NTM: variants seen among roughly 807,000 people sequenced by gnomAD.
NTM encodes neurotrimin, also known as IgLON family member 2.
A neutral mutation model predicts 42.1 loss-of-function variants in NTM; 13 were observed. That is an observed-to-expected ratio of 0.31 (90% CI 0.20 to 0.49). The LOEUF (loss-of-function observed/expected upper bound fraction) is 0.49, where lower values mean the gene tolerates loss of function less well. Ranked by LOEUF, NTM falls within the 20% of genes least tolerant of loss-of-function variation. The probability of loss-of-function intolerance (pLI) is 0.99; values close to 1 mark genes in which losing one functional copy is unlikely to be tolerated. For synonymous variants in NTM, 187 were observed against 179.2 expected, an observed-to-expected ratio of 1.04 and a Z score of -0.35; for missense variants, 373 against 452.8, an observed-to-expected ratio of 0.82 and a Z score of 1.60.
At chr11:131,789,406 CAGTTAAAAGAAAAAAAGAAGA>C (rs2089824081) in intron 1 of NTM, among the ~76,000 whole-genome samples, 1 of 92,858 alleles carries the variant, frequency 1.1e-5, no homozygotes, top group African/African-American at 4.0e-5. Context: ...AGTATTGCTG[CAGTTAAAAGAAAAAAAGAAGA>C]AGGAAGAAGA....
chr11:131,639,298 C>T (rs900186677), intron 1 of NTM, among the ~76,000 whole-genome samples: 4 of 152,262 alleles, frequency 2.6e-5, no homozygotes, highest in East Asian at 1.9e-4. Flanking sequence ...GTTTTTCTTT[C>T]GGTTTGGGGA....
At chr11:131,531,715 A>T (rs190502694) in intron 1 of NTM, among the ~76,000 whole-genome samples, 1 of 152,340 alleles carries the variant, frequency 6.6e-6, no homozygotes, top group Non-Finnish European at 1.5e-5. Context: ...CTGGGGATAC[A>T]AAGTGAGTAA....
intron 1 of NTM, among the ~76,000 whole-genome samples, chr11:131,822,492 G>T (rs2093231672): frequency 6.6e-6 from 1 of 152,058 alleles, no homozygotes; most frequent in Non-Finnish European, 1.5e-5. Flanking sequence ...TACTATTAAC[G>T]CTCAAATCAG....
rs1491488500 is a variant in NTM, at chr11:131,789,470, AAG to A, written c.83-122092_83-122091del. 2.5e-3 allele frequency among the ~76,000 whole-genome samples: 35 copies of A among 13,984 alleles called. 5 individuals are homozygous for A. The highest frequency in any genetic ancestry group is 0.012 in the South Asian group (4 of 322). 9.2% of individuals were successfully genotyped at this position (13,984 alleles called of 152,430 possible). On this transcript the variant is annotated intron_variant, in intron 1 of 8. Coordinates refer to ENST00000683400, the MANE Select transcript of NTM (RefSeq NM_001352005.2). The stretch of plus-strand genomic sequence containing the variant: ...GAAGAAGAAGAAGAAGAAGAAGAAG[AAG>A]AAGAAGAAGAAGAAGAAGAGGAAAG...
intron 8 of NTM, among the ~76,000 whole-genome samples, chr11:132,331,168 G>A (rs1262616815): frequency 3.3e-5 from 5 of 152,340 alleles, no homozygotes; most frequent in Non-Finnish European, 5.9e-5. Flanking sequence ...GAAGATAGTT[G>A]CATTTGAAGA....
intron 1 of NTM, among the ~76,000 whole-genome samples, chr11:131,568,106 C>A (rs964917721): frequency 2.6e-5 from 4 of 152,208 alleles, no homozygotes; most frequent in Admixed American, 2.6e-4. Context: ...GGAAAATTCT[C>A]TCTGTTTCAG....
At chr11:132,298,565 G>A (rs765219227) in intron 4 of NTM, among the ~76,000 whole-genome samples, 1 of 152,178 alleles carries the variant, frequency 6.6e-6, no homozygotes, top group South Asian at 2.1e-4. Flanking sequence ...GAAAACCCAC[G>A]TCATGTTGTT....
At chr11:131,981,417 A>T (rs970519122) in intron 2 of NTM, 1 of 152,176 alleles carries the variant, frequency 6.6e-6, no homozygotes, top group Non-Finnish European at 1.5e-5. Flanking sequence ...TCCCTTTCCA[A>T]TCACGAGCTG....
chr11:131,856,298 C>T (rs903612283), intron 1 of NTM, among the ~76,000 whole-genome samples: 1 of 151,706 alleles, frequency 6.6e-6, no homozygotes, highest in Non-Finnish European at 1.5e-5. Context: ...TTTCTTAGAC[C>T]CCAGGAAAAT....
At chr11:131,657,308 C>T (rs2067331515) in intron 1 of NTM, among the ~76,000 whole-genome samples, 2 of 152,060 alleles carry the variant, frequency 1.3e-5, no homozygotes, top group South Asian at 4.2e-4. Flanking sequence ...TGGGAAAGGT[C>T]AGTGGGGAAT....
chr11:131,761,322 C>A (rs2084134964), intron 1 of NTM, among the ~76,000 whole-genome samples: 2 of 152,146 alleles, frequency 1.3e-5, no homozygotes, highest in Non-Finnish European at 2.9e-5. Context: ...CCACACCTAA[C>A]AAGAAGCTGA....
intron 1 of NTM, among the ~76,000 whole-genome samples, chr11:131,507,502 C>G (rs1379012115): frequency 6.6e-6 from 1 of 152,144 alleles, no homozygotes; most frequent in Non-Finnish European, 1.5e-5. Flanking sequence ...ATGCCGCCAG[C>G]TTTGTTCTTT....
chr11:132,062,502 T>A lies in NTM; in HGVS notation c.168-83780T>A, dbSNP rs983222896. On this transcript the variant is annotated intron_variant, in intron 2 of 8. Transcript: ENST00000683400. ...ATATGATGGAAGAGATAGGCTTTTT[T>A]TTTTTTATTTGAGTAGTAAGGAGTG... 2.0e-5 allele frequency among the ~76,000 whole-genome samples: 3 copies of A among 152,254 alleles called. No homozygotes were observed. In the South Asian group the frequency reaches 6.2e-4, roughly 32 times the overall value.
intron 1 of NTM, among the ~76,000 whole-genome samples, chr11:131,522,601 G>A (rs2049905634): frequency 6.6e-6 from 1 of 152,204 alleles, no homozygotes. Flanking sequence ...AGATTAAAGT[G>A]TGATTAAAGT....
chr11:132,252,819 A>AG (rs2092099374), intron 4 of NTM, among the ~76,000 whole-genome samples: 1 of 152,172 alleles, frequency 6.6e-6, no homozygotes, highest in Non-Finnish European at 1.5e-5. Flanking sequence ...TTACGTAGGG[A>AG]GGAAAAATGT....
intron 2 of NTM, among the ~76,000 whole-genome samples, chr11:132,025,239 C>A (rs1208084547): frequency 6.6e-6 from 1 of 152,136 alleles, no homozygotes; most frequent in Admixed American, 6.5e-5. Flanking sequence ...GTTGGGCTCA[C>A]GGTAAGGGAA....
intron 2 of NTM, among the ~76,000 whole-genome samples, chr11:132,041,344 A>T (rs757074775): frequency 6.6e-6 from 1 of 151,834 alleles, no homozygotes; most frequent in Non-Finnish European, 1.5e-5. Flanking sequence ...TGATGGAAAA[A>T]ACCAGAGGAG....
intron 1 of NTM, among the ~76,000 whole-genome samples, chr11:131,746,785 C>T (rs902935711): frequency 1.3e-5 from 2 of 152,066 alleles, no homozygotes; most frequent in Non-Finnish European, 2.9e-5. Context: ...CAGTATCATC[C>T]TTCATGAGTC....
At chr11:132,234,847 G>A (rs2139095910) in intron 4 of NTM, among the ~76,000 whole-genome samples, 1 of 152,264 alleles carries the variant, frequency 6.6e-6, no homozygotes, top group Non-Finnish European at 1.5e-5. Flanking sequence ...TGTTACTTTT[G>A]AAAATGTGTA....
Sources: gnomAD v4.1 joint callset for allele counts (sites outside exome capture counted in the v4.1 genomes callset) on GRCh38, gnomAD v4.1.1 for gene constraint, MANE v1.5 for transcripts, NCBI Gene and HGNC (gene_info 2026-07-23, HGNC 2026-07-21) for gene names.